The following EPS8 variants were observed in gnomAD, a reference collection of about 807,000 sequenced individuals.
The protein encoded by EPS8 is epidermal growth factor receptor kinase substrate 8.
Under a neutral mutation model 103.8 loss-of-function variants are expected in EPS8, and 42 were observed. That is an observed-to-expected ratio of 0.40 (90% CI 0.32 to 0.52). The LOEUF is 0.52. Among genes scored for constraint, EPS8 ranks in the 20% least tolerant of loss-of-function variants. The pLI is 0.40. For synonymous variants in EPS8, 344 were observed against 344.6 expected (o/e 1.00, Z 0.02); for missense variants, 969 against 1,005.1 (o/e 0.96, Z 0.49).
At chr12:15,699,434 C>G (rs993133763) in intron 1 of EPS8, among the ~76,000 whole-genome samples, 1 of 152,218 alleles carries the variant, frequency 6.6e-6, no homozygotes, top group Non-Finnish European at 1.5e-5. Flanking sequence ...AAAGCACACA[C>G]AGATCATTTG....
chr12:15,718,017 T>G (rs559296522), intron 1 of EPS8, among the ~76,000 whole-genome samples: 1 of 152,208 alleles, frequency 6.6e-6, no homozygotes, highest in Admixed American at 6.5e-5. Flanking sequence ...ATTTCTCATT[T>G]CCTTTCATGT....
chr12:15,642,766 T>C (rs1487774664), intron 15 of EPS8, among the ~76,000 whole-genome samples: 4 of 152,308 alleles, frequency 2.6e-5, no homozygotes, highest in African/African-American at 9.6e-5. Flanking sequence ...GCCATTCTTT[T>C]TGCTGTCTAC....
intron 3 of EPS8, among the ~76,000 whole-genome samples, chr12:15,674,680 AAATTTTCAGC>A (rs1296533905): frequency 7.9e-5 from 12 of 152,352 alleles, no homozygotes; most frequent in African/African-American, 2.9e-4. Flanking sequence ...AGGACTTTTA[AAATTTTCAGC>A]TAAGTTGGGA....
rs4237957 is a variant in EPS8 at position 15,669,295 on chromosome 12, A to C, written c.516+92T>G. The C allele has an allele frequency of 1, 1,123,695 of 1,125,278 alleles. 561,077 individuals are homozygous for C. Among genetic ancestry groups the C allele is most frequent in the East Asian group, 1 (39,662 of 39,662 alleles). The allele number at this position is 1,125,278 out of a possible 1,614,324, so 69.7% of individuals were successfully genotyped here. A position where few individuals can be genotyped will look rare whatever the true frequency, so the allele number is the denominator to read the frequency against. Reference sequence around the variant, plus strand: ...ATGCTCAGAAACTAAAAATCTAGTAACTAATATGCAGATATATTATCAAAA... The same window carrying C: ...ATGCTCAGAAACTAAAAATCTAGTACCTAATATGCAGATATATTATCAAAA... On this transcript the variant is annotated intron_variant, in intron 6 of 20. Coordinates refer to ENST00000281172, the MANE Select transcript of EPS8 (RefSeq NM_004447.6).
In EPS8 at chr12:15,780,529, C is replaced by CACACACACACACACAG. The variant is rs1360084801; in HGVS notation, c.-22+8631_-22+8632insCTGTGTGTGTGTGTGT. ...ACACACACACACACACACACACACA[C>CACACACACACACACAG]AGGCATACACACTTTTCATTTAACA... is the stretch of plus-strand genomic sequence containing the variant. On this transcript the variant is annotated intron_variant, in intron 1 of 20. Coordinates refer to ENST00000281172, the MANE Select transcript of EPS8 (RefSeq NM_004447.6). This position sits in a 1 kb window ranked among gnomAD's most constrained non-coding sequence, Gnocchi z 4.1. 1.3e-5 allele frequency: 2 copies of CACACACACACACACAG among 151,332 alleles called. No individual in the cohort carries two copies. The highest frequency in any genetic ancestry group is 2.9e-5 in the Non-Finnish European group (2 of 68,988). The allele number at this position is 151,332 out of a possible 1,614,324, so 9.4% of individuals were successfully genotyped here.
chr12:15,732,718 T>C, intron 1 of EPS8: 14 of 937,032 alleles, frequency 1.5e-5, no homozygotes, highest in Non-Finnish European at 1.7e-5. Context: ...AAAAAGAATA[T>C]GATTTGCAAT....
chr12:15,668,053 T>C (rs1394808590), intron 6 of EPS8, among the ~76,000 whole-genome samples: 2 of 152,156 alleles, frequency 1.3e-5, no homozygotes, highest in South Asian at 2.1e-4. Flanking sequence ...TTTATAAAAA[T>C]GTTTGAATTA....
intron 10 of EPS8, among the ~76,000 whole-genome samples, chr12:15,660,207 C>T (rs1177699358): frequency 6.6e-6 from 1 of 152,042 alleles, no homozygotes; most frequent in Non-Finnish European, 1.5e-5. Context: ...GAAGAGGAAC[C>T]CTAGTCCACA....
chr12:15,788,044 A>T (rs960705466), intron 1 of EPS8: 2 of 152,194 alleles, frequency 1.3e-5, no homozygotes, highest in Non-Finnish European at 2.9e-5. Context: ...AATGAAAATA[A>T]ACTAGAGGCA....
intron 1 of EPS8, among the ~76,000 whole-genome samples, chr12:15,742,803 C>G (rs1000741896): frequency 6.6e-6 from 1 of 152,030 alleles, no homozygotes; most frequent in Non-Finnish European, 1.5e-5. Context: ...GCCAATAATA[C>G]CATATTGAAT....
At chr12:15,681,438 A>T (rs576664011) in intron 2 of EPS8, 136 bp from the exon 3 acceptor site, 2 of 298,756 alleles carry the variant, frequency 6.7e-6, no homozygotes, top group South Asian at 2.7e-4. Context: ...TGTTTAAAAG[A>T]ACATACTGAT....
chr12:15,742,891 A>G (rs946749304), intron 1 of EPS8, among the ~76,000 whole-genome samples: 12 of 152,322 alleles, frequency 7.9e-5, no homozygotes, highest in Non-Finnish European at 1.5e-5. Context: ...TATTCAGCAT[A>G]GTGTTGAAAG....
intron 19 of EPS8, 40 bp from the exon 20 acceptor site, chr12:15,623,327 A>C: frequency 6.4e-7 from 1 of 1,556,638 alleles, no homozygotes. Context: ...AGCATTAAAA[A>C]TATTGCCTAC....
intron 20 of EPS8, 22 bp downstream of exon 20, chr12:15,623,136 A>C (rs779037758): frequency 6.3e-7 from 1 of 1,590,476 alleles, no homozygotes; most frequent in Non-Finnish European, 8.5e-7. Context: ...GAAAAACACC[A>C]CCTTAGGTTG....
Position 15,714,690 on chromosome 12 carries a change from G to C in EPS8, c.-21-31718C>G, listed in dbSNP as rs570140811. Reference sequence around the variant, plus strand: ...TAAAAAAGTGCTGCTTGTTGCCAGTGCAGTATTCTTGGGGCAAATGGGAAA... The same window carrying C: ...TAAAAAAGTGCTGCTTGTTGCCAGTCCAGTATTCTTGGGGCAAATGGGAAA... On this transcript the variant is annotated intron_variant, in intron 1 of 20. Coordinates refer to ENST00000281172, the MANE Select transcript of EPS8 (RefSeq NM_004447.6). This position sits in a 1 kb window ranked among gnomAD's most constrained non-coding sequence, Gnocchi z 4.1. 2.6e-5 allele frequency among the ~76,000 whole-genome samples: 4 copies of C among 152,286 alleles called. No homozygotes were observed. In the East Asian group the frequency reaches 7.7e-4, roughly 29 times the overall value.
At chr12:15,641,437 C>T (rs538500675) in intron 16 of EPS8, among the ~76,000 whole-genome samples, 206 of 151,400 alleles carry the variant, frequency 1.4e-3, no homozygotes, top group African/African-American at 4.1e-3. Flanking sequence ...GTCTTGACTC[C>T]AAAATGAATA....
intron 3 of EPS8, among the ~76,000 whole-genome samples, chr12:15,674,684 T>C (rs767447769): frequency 2.6e-5 from 4 of 152,194 alleles, no homozygotes; most frequent in African/African-American, 4.8e-5. Context: ...CTTTTAAAAT[T>C]TTCAGCTAAG....
At position 15,779,620 on chromosome 12, in the gene EPS8, T is replaced by C. The variant is rs766992219; in HGVS notation, c.-22+9541A>G. Among the ~76,000 whole-genome samples the C allele has an allele frequency of 6.6e-6, 1 of 152,238 alleles. No homozygotes were observed. The highest frequency in any genetic ancestry group is 1.5e-5 in the Non-Finnish European group (1 of 68,042). On this transcript the variant is annotated intron_variant, in intron 1 of 20. Coordinates refer to ENST00000281172, the MANE Select transcript of EPS8 (RefSeq NM_004447.6). The surrounding 1 kb of genome is among the most constrained non-coding windows in gnomAD (Gnocchi z 4.3). ...AAGGAATAACTTAGTAATATTCTAA[T>C]GGTGTTAACAGAAGATAATTCAACA...
chr12:15,671,410 G>C (rs933871041), intron 3 of EPS8, among the ~76,000 whole-genome samples: 1 of 152,062 alleles, frequency 6.6e-6, no homozygotes, highest in African/African-American at 2.4e-5. Flanking sequence ...AATTGGGATA[G>C]TGTTAGAGGA....
Sources: allele counts gnomAD v4.1 joint callset (sites outside exome capture counted in the v4.1 genomes callset), GRCh38; gene constraint gnomAD v4.1.1; non-coding constraint Gnocchi (gnomAD v3.1); transcripts MANE v1.5; gene names NCBI Gene and HGNC (gene_info 2026-07-23, HGNC 2026-07-21).